Variants in TRERF1 observed in about 807,000 individuals in gnomAD.
TRERF1 encodes the protein transcriptional-regulating factor 1.
A neutral mutation model predicts 122.9 loss-of-function variants in TRERF1; 27 were observed. The observed-to-expected ratio is 0.22, with a 90% CI of 0.16 to 0.30. The LOEUF (loss-of-function observed/expected upper bound fraction) is 0.30. Among genes scored for constraint, TRERF1 ranks in the 10% least tolerant of loss-of-function variants. The probability of loss-of-function intolerance (pLI) is 1.00; values close to 1 mark genes in which losing one functional copy is unlikely to be tolerated. For missense variants in TRERF1, 1,248 were observed against 1,560.3 expected, an observed-to-expected ratio of 0.80 and a Z score of 3.37; for synonymous variants, 636 against 641.7, an observed-to-expected ratio of 0.99 and a Z score of 0.13.
At chr6:42,261,520 T>C (rs1388085016) in intron 8 of TRERF1, among the ~76,000 whole-genome samples, 1 of 149,392 alleles carries the variant, frequency 6.7e-6, no homozygotes, top group Non-Finnish European at 1.5e-5. Context: ...CACTGAAAAC[T>C]TTAAAAAGCT....
At chr6:42,264,889 T>C (rs377325868) in intron 6 of TRERF1, 35 bp from the exon 7 acceptor site, 313 of 1,609,162 alleles carry the variant, frequency 1.9e-4, no homozygotes, top group Non-Finnish European at 2.6e-4. Context: ...AGAGGACACA[T>C]ACGTTGAGGA....
At chr6:42,272,511 C>T (rs563091513) in intron 4 of TRERF1, among the ~76,000 whole-genome samples, 6 of 152,148 alleles carry the variant, frequency 3.9e-5, no homozygotes, top group Non-Finnish European at 8.8e-5. Context: ...ATCTCAGGCT[C>T]CAGTTGAGAT....
At chr6:42,431,683 G>A (rs765764816) in intron 2 of TRERF1, among the ~76,000 whole-genome samples, 25 of 152,194 alleles carry the variant, frequency 1.6e-4, no homozygotes, top group Non-Finnish European at 3.1e-4. Flanking sequence ...TCAAGCCAGA[G>A]GTGGCAGCAG....
chr6:42,242,012 T>C (rs558844584), intron 15 of TRERF1, among the ~76,000 whole-genome samples: 1 of 152,200 alleles, frequency 6.6e-6, no homozygotes, highest in Non-Finnish European at 1.5e-5. Context: ...GGAGGATTGC[T>C]TGAGCCCAAG....
chr6:42,451,647 A>T (rs1292620803), intron 1 of TRERF1, among the ~76,000 whole-genome samples, 27 bp downstream of exon 1: 1 of 30,878 alleles, frequency 3.2e-5, no homozygotes, highest in Non-Finnish European at 6.1e-5. Flanking sequence ...CCTCCTCCCC[A>T]TGCGCCCTCC....
intron 2 of TRERF1, among the ~76,000 whole-genome samples, chr6:42,397,295 T>C (rs971589904): frequency 3.3e-5 from 5 of 152,168 alleles, no homozygotes; most frequent in African/African-American, 1.2e-4. Flanking sequence ...CCTCAGGCAC[T>C]TTCCCCAGAA....
chr6:42,339,226 T>G (rs1031309749), intron 3 of TRERF1, among the ~76,000 whole-genome samples: 1 of 152,226 alleles, frequency 6.6e-6, no homozygotes, highest in African/African-American at 2.4e-5. Flanking sequence ...CCATCACCAT[T>G]CCTTTGTTTT....
At chr6:42,267,001 A>T (rs1779319459) in intron 5 of TRERF1, among the ~76,000 whole-genome samples, 1 of 152,154 alleles carries the variant, frequency 6.6e-6, no homozygotes, top group Non-Finnish European at 1.5e-5. Flanking sequence ...ACAATCACAC[A>T]TGGTATCTGC....
chr6:42,348,587 T>G (rs976767184), intron 3 of TRERF1, among the ~76,000 whole-genome samples: 1 of 152,132 alleles, frequency 6.6e-6, no homozygotes, highest in Non-Finnish European at 1.5e-5. Context: ...ACCCTCAAGC[T>G]AAACAAATTT....
At chr6:42,279,316 G>A (rs926264846) in intron 4 of TRERF1, among the ~76,000 whole-genome samples, 4 of 152,126 alleles carry the variant, frequency 2.6e-5, no homozygotes, top group African/African-American at 9.6e-5. Flanking sequence ...CTTGGGGCGT[G>A]GGGCCTTCTG....
chr6:42,377,830 C>T (rs1273892022), intron 2 of TRERF1, among the ~76,000 whole-genome samples: 1 of 152,174 alleles, frequency 6.6e-6, no homozygotes. Flanking sequence ...ATATACATCT[C>T]CATGGTTGGT....
chr6:42,282,757 T>C (rs1216094826), intron 4 of TRERF1, among the ~76,000 whole-genome samples: 1 of 152,208 alleles, frequency 6.6e-6, no homozygotes, highest in East Asian at 1.9e-4. Flanking sequence ...TGATTTTTGT[T>C]AGTTGTGGTA....
intron 4 of TRERF1, among the ~76,000 whole-genome samples, chr6:42,288,644 C>T (rs1234607012): frequency 6.7e-6 from 1 of 150,030 alleles, no homozygotes; most frequent in Non-Finnish European, 1.5e-5. Flanking sequence ...AGGGAAGGAT[C>T]CTCTGAGAAA....
chr6:42,339,852 A>G (rs1042718716), intron 3 of TRERF1, among the ~76,000 whole-genome samples: 1 of 152,268 alleles, frequency 6.6e-6, no homozygotes, highest in African/African-American at 2.4e-5. Context: ...TGGAGCCACC[A>G]GAATTTAATC....
At chr6:42,413,404 C>T (rs1224876691) in intron 2 of TRERF1, among the ~76,000 whole-genome samples, 2 of 150,514 alleles carry the variant, frequency 1.3e-5, no homozygotes, top group Non-Finnish European at 2.9e-5. Context: ...GGGCCTCATT[C>T]GCACTTACTG....
At chr6:42,425,592 G>A (rs1028285176) in intron 2 of TRERF1, among the ~76,000 whole-genome samples, 5 of 113,890 alleles carry the variant, frequency 4.4e-5, no homozygotes, top group Non-Finnish European at 6.7e-5. Flanking sequence ...CGTCAGGGCT[G>A]GAATGCAATG....
At chr6:42,277,074 C>T (rs35354652) in intron 4 of TRERF1, among the ~76,000 whole-genome samples, 22 of 152,162 alleles carry the variant, frequency 1.4e-4, no homozygotes, top group Non-Finnish European at 2.9e-4. Flanking sequence ...TCGTCTCCCC[C>T]CTGTGACTAC....
intron 2 of TRERF1, among the ~76,000 whole-genome samples, chr6:42,408,872 T>A (rs1300240751): frequency 6.6e-6 from 1 of 152,204 alleles, no homozygotes; most frequent in African/African-American, 2.4e-5. Context: ...ATTTATAACA[T>A]ATGATGTGAG....
rs147322824 is a variant in TRERF1 at position 42,313,605 on chromosome 6, G to A, written c.-370-12856C>T. The stretch of plus-strand genomic sequence containing the variant: ...CAAGTTGTGCACTCTCCTGGGATGT[G>A]GGCCCCAGAACAAGGAATTCCCTTG... On this transcript the variant is annotated intron_variant, in intron 3 of 17. Transcript: ENST00000372922. Among the ~76,000 whole-genome samples, 788 of 152,194 alleles carry A rather than the reference G, an allele frequency of 5.2e-3. 8 individuals carry two copies. Among genetic ancestry groups the A allele is most frequent in the African/African-American group, 0.018 (751 of 41,548 alleles).
Sources: gnomAD v4.1 joint callset for allele counts (sites outside exome capture counted in the v4.1 genomes callset) on GRCh38, gnomAD v4.1.1 for gene constraint, MANE v1.5 for transcripts, NCBI Gene and HGNC (gene_info 2026-07-23, HGNC 2026-07-21) for gene names.